NALF1: variants seen among roughly 807,000 people sequenced by gnomAD.
NALF1 encodes the protein family with sequence similarity 155 member A.
A neutral mutation model predicts 48.4 loss-of-function variants in NALF1; 3 were observed. The ratio of observed to expected loss-of-function variants is 0.06; its 90% confidence interval spans 0.03 to 0.16. The LOEUF (loss-of-function observed/expected upper bound fraction) is 0.16. Among genes scored for constraint, NALF1 ranks in the 10% least tolerant of loss-of-function variants. The pLI, the probability that NALF1 is intolerant of heterozygous loss-of-function variation, is 1.00. For missense variants in NALF1, 526 were observed against 571.5 expected (o/e 0.92, Z 0.81); for synonymous variants, 262 against 245.7 (o/e 1.07, Z -0.62).
At chr13:107,734,013 G>T (rs1046246749) in intron 1 of NALF1, among the ~76,000 whole-genome samples, 7 of 152,144 alleles carry the variant, frequency 4.6e-5, no homozygotes, top group Non-Finnish European at 1.0e-4. Flanking sequence ...CTACTGTACT[G>T]AATATGTTAG....
intron 1 of NALF1, among the ~76,000 whole-genome samples, chr13:107,408,983 A>C (rs1189872910): frequency 2.0e-5 from 3 of 152,142 alleles, no homozygotes; most frequent in Admixed American, 1.3e-4. Flanking sequence ...CAAATAGCAA[A>C]ATAAATTTGA....
intron 1 of NALF1, among the ~76,000 whole-genome samples, chr13:107,770,151 G>A (rs1290739040): frequency 1.3e-5 from 2 of 152,130 alleles, no homozygotes; most frequent in African/African-American, 4.8e-5. Context: ...CTGACCTCGT[G>A]ATCCACCCGC....
chr13:107,762,682 T>C (rs1877300873), intron 1 of NALF1, among the ~76,000 whole-genome samples: 1 of 152,092 alleles, frequency 6.6e-6, no homozygotes, highest in African/African-American at 2.4e-5. Context: ...AGGGAGGACA[T>C]ACAGAGTCGT....
At chr13:107,799,713 AAG>A (rs1878542338) in intron 1 of NALF1, among the ~76,000 whole-genome samples, 1 of 152,344 alleles carries the variant, frequency 6.6e-6, no homozygotes, top group East Asian at 1.9e-4. Context: ...AAGCAATCAA[AAG>A]AATATTGATA....
At chr13:107,591,737 T>C (rs1224389091) in intron 1 of NALF1, among the ~76,000 whole-genome samples, 1 of 152,034 alleles carries the variant, frequency 6.6e-6, no homozygotes, top group Admixed American at 6.6e-5. Flanking sequence ...TTCTCAGTAT[T>C]TGCTTTTCAA....
chr13:107,543,925 T>C (rs1161277272), intron 1 of NALF1, among the ~76,000 whole-genome samples: 1 of 152,146 alleles, frequency 6.6e-6, no homozygotes, highest in Non-Finnish European at 1.5e-5. Context: ...GGCAATTTAG[T>C]GTTAAAATAT....
At chr13:107,478,126 G>A (rs1432938766) in intron 1 of NALF1, among the ~76,000 whole-genome samples, 1 of 152,106 alleles carries the variant, frequency 6.6e-6, no homozygotes. Context: ...TCTTATTGCA[G>A]TAACCTTAAA....
chr13:107,206,249 C>T (rs1879637088), intron 2 of NALF1, among the ~76,000 whole-genome samples: 1 of 152,128 alleles, frequency 6.6e-6, no homozygotes, highest in South Asian at 2.1e-4. Flanking sequence ...AAGTGTCTTT[C>T]CTTTTATCTC....
At chr13:107,346,151 T>C (rs1009527275) in intron 1 of NALF1, among the ~76,000 whole-genome samples, 3 of 151,166 alleles carry the variant, frequency 2.0e-5, no homozygotes, top group Admixed American at 1.3e-4. Context: ...ACGGGAAACA[T>C]TGCGTACTTT....
chr13:107,839,735 A>T (rs1423311856), intron 1 of NALF1, among the ~76,000 whole-genome samples: 1 of 152,068 alleles, frequency 6.6e-6, no homozygotes, highest in African/African-American at 2.4e-5. Context: ...GATATTTTTG[A>T]CCCATAAAAC....
At chr13:107,267,292 T>C (rs1881060889) in intron 1 of NALF1, among the ~76,000 whole-genome samples, 1 of 152,090 alleles carries the variant, frequency 6.6e-6, no homozygotes, top group Non-Finnish European at 1.5e-5. Flanking sequence ...CACATAAAAT[T>C]GGACCAAAGA....
chr13:107,842,349 C>A (rs1880065202), intron 1 of NALF1, among the ~76,000 whole-genome samples: 1 of 151,898 alleles, frequency 6.6e-6, no homozygotes, highest in Non-Finnish European at 1.5e-5. Context: ...GTGTTTATTA[C>A]AGAAATTTAG....
At chr13:107,259,427 T>C (rs931487476) in intron 1 of NALF1, among the ~76,000 whole-genome samples, 2 of 152,162 alleles carry the variant, frequency 1.3e-5, no homozygotes. Context: ...TCAAGATCTG[T>C]CACTGAGCCT....
At chr13:107,334,848 T>C (rs900001173) in intron 1 of NALF1, among the ~76,000 whole-genome samples, 1 of 152,210 alleles carries the variant, frequency 6.6e-6, no homozygotes, top group Non-Finnish European at 1.5e-5. Flanking sequence ...TTGTTGAGCC[T>C]ATCAAGTTGA....
intron 1 of NALF1, among the ~76,000 whole-genome samples, chr13:107,409,319 T>C (rs867050057): frequency 3.3e-5 from 5 of 152,174 alleles, no homozygotes; most frequent in African/African-American, 1.2e-4. Flanking sequence ...CTCTTTGAGT[T>C]TGTGGTCTTG....
intron 1 of NALF1, among the ~76,000 whole-genome samples, chr13:107,830,142 C>T (rs920301753): frequency 2.6e-5 from 4 of 152,090 alleles, no homozygotes; most frequent in African/African-American, 9.7e-5. Flanking sequence ...CCCTTTCTAC[C>T]GCCTCTTGTG....
At chr13:107,781,285 G>A (rs2138578228) in intron 1 of NALF1, among the ~76,000 whole-genome samples, 1 of 152,176 alleles carries the variant, frequency 6.6e-6, no homozygotes, top group Admixed American at 6.5e-5. Context: ...TCATTTAAAG[G>A]TAAAACAGGG....
At chr13:107,470,094 T>C (rs1327461209) in intron 1 of NALF1, among the ~76,000 whole-genome samples, 1 of 152,138 alleles carries the variant, frequency 6.6e-6, no homozygotes, top group East Asian at 1.9e-4. Context: ...TCTTAGGTAA[T>C]AAATCAATAT....
chr13:107,599,798 T>C (rs1566409681), intron 1 of NALF1, among the ~76,000 whole-genome samples: 1 of 152,226 alleles, frequency 6.6e-6, no homozygotes, highest in Non-Finnish European at 1.5e-5. Flanking sequence ...TTGGTTTCTT[T>C]ATCTAAACAA....
Sources: allele counts gnomAD v4.1 joint callset (sites outside exome capture counted in the v4.1 genomes callset), GRCh38; gene constraint gnomAD v4.1.1; transcripts MANE v1.5; gene names NCBI Gene and HGNC (gene_info 2026-07-23, HGNC 2026-07-21).